The following CUX2 variants were observed in gnomAD, a reference collection of about 807,000 sequenced individuals.
CUX2 encodes homeobox protein cut-like 2.
In CUX2, 40 loss-of-function variants were observed where a neutral mutation model predicts 144.8. The ratio of observed to expected loss-of-function variants is 0.28; its 90% CI spans 0.21 to 0.36. The LOEUF is 0.36. Ranked by LOEUF, CUX2 falls within the 10% of genes least tolerant of loss-of-function variation. The pLI, the probability that CUX2 is intolerant of heterozygous loss-of-function variation, is 1.00. For missense variants in CUX2, 1,615 were observed against 1,994.0 expected (o/e 0.81, Z 3.62); for synonymous variants, 827 against 875.6 (o/e 0.94, Z 0.98).
intron 2 of CUX2, among the ~76,000 whole-genome samples, chr12:111,215,940 T>C (rs1315953289): frequency 6.6e-6 from 1 of 152,232 alleles, no homozygotes; most frequent in African/African-American, 2.4e-5. Context: ...TTAAGAGGAA[T>C]AAGTTTCCAT....
At chr12:111,232,662 T>C (rs1484413092) in intron 3 of CUX2, among the ~76,000 whole-genome samples, 2 of 152,210 alleles carry the variant, frequency 1.3e-5, no homozygotes, top group Admixed American at 6.5e-5. Flanking sequence ...GTACGGCTGT[T>C]GATAGCTCAG....
intron 1 of CUX2, among the ~76,000 whole-genome samples, chr12:111,169,628 A>G (rs1416081949): frequency 6.6e-6 from 1 of 152,188 alleles, no homozygotes; most frequent in African/African-American, 2.4e-5. Flanking sequence ...AAGCCTCCTC[A>G]GTGGCAGGGT....
intron 1 of CUX2, among the ~76,000 whole-genome samples, chr12:111,054,801 A>G (rs1331062196): frequency 6.6e-6 from 1 of 152,024 alleles, no homozygotes; most frequent in Non-Finnish European, 1.5e-5. Context: ...TAATTTTTGT[A>G]TTTTTAGTAG....
intron 12 of CUX2, among the ~76,000 whole-genome samples, chr12:111,308,063 C>T (rs890452469): frequency 1.3e-5 from 2 of 152,200 alleles, no homozygotes; most frequent in Non-Finnish European, 2.9e-5. Flanking sequence ...CTCAAGCTGG[C>T]CAGAATGGGT....
chr12:111,162,194 C>G (rs934450281), intron 1 of CUX2, among the ~76,000 whole-genome samples: 2 of 152,250 alleles, frequency 1.3e-5, no homozygotes, highest in African/African-American at 4.8e-5. Flanking sequence ...TGAACTCTCT[C>G]TCAGAGGTGA....
chr12:111,056,636 T>C (rs1029239964), intron 1 of CUX2, among the ~76,000 whole-genome samples: 7 of 152,190 alleles, frequency 4.6e-5, no homozygotes, highest in Non-Finnish European at 1.0e-4. Flanking sequence ...ATCACTTCCA[T>C]CTACTCTGCT....
intron 1 of CUX2, among the ~76,000 whole-genome samples, chr12:111,055,950 A>G (rs1325373794): frequency 6.6e-6 from 1 of 152,226 alleles, no homozygotes; most frequent in Admixed American, 6.5e-5. Context: ...TGAGCAGGCC[A>G]CTTAGCTGCG....
chr12:111,144,204 G>A (rs1876517113), intron 1 of CUX2, among the ~76,000 whole-genome samples: 1 of 152,122 alleles, frequency 6.6e-6, no homozygotes, highest in Non-Finnish European at 1.5e-5. Flanking sequence ...ACTGTGTTTG[G>A]GACACAGAAG....
chr12:111,082,151 TG>T (rs1205619542), intron 1 of CUX2, among the ~76,000 whole-genome samples: 6 of 152,160 alleles, frequency 3.9e-5, no homozygotes, highest in African/African-American at 1.4e-4. Context: ...GGAATGTCCC[TG>T]GGAAGGTTGG....
intron 1 of CUX2, among the ~76,000 whole-genome samples, chr12:111,071,111 G>T: frequency 7.0e-6 from 1 of 142,670 alleles, no homozygotes; most frequent in African/African-American, 2.6e-5. Context: ...GTGGACATAA[G>T]TTTTCACCTC....
At position 111,320,408 on chromosome 12, in the gene CUX2, A is replaced by G. The variant is rs370451307; in HGVS notation, c.2399A>G (p.Tyr800Cys). 3 of 1,597,482 alleles carry G rather than the reference A, an allele frequency of 1.9e-6. No homozygotes were observed. The highest frequency in any genetic ancestry group is 2.5e-6 in the Non-Finnish European group (3 of 1,179,016). Residue 800 changes from tyrosine to cysteine, a missense_variant, in exon 17 of 22, where the codon TAC becomes TGC. Around this residue, in one of 12 missense-constraint regions of CUX2, gnomAD observed 390 missense variants for 387.1 expected, o/e 1.01. Coordinates refer to ENST00000261726, the MANE Select transcript of CUX2 (RefSeq NM_015267.4). This position sits in a 1 kb window ranked among gnomAD's most constrained non-coding sequence, Gnocchi z 8.1. ...GACCGCGGCCTGCTCAGCCGCCCCT[A>G]CGCCTCCGTGTCGCCCTCGCTGTCC... Reference protein sequence around the residue: ...ASDRGLLSRPYASVSPSLSSS... With the variant: ...ASDRGLLSRPCASVSPSLSSS...
At chr12:111,133,658 T>A (rs981565313) in intron 1 of CUX2, among the ~76,000 whole-genome samples, 1 of 152,104 alleles carries the variant, frequency 6.6e-6, no homozygotes, top group African/African-American at 2.4e-5. Context: ...ACCTCCCCTT[T>A]AGGGGCCTGC....
At position 111,186,991 on chromosome 12, in the gene CUX2, C is replaced by A. The variant is rs1879579228; in HGVS notation, c.64-27209C>A. 6.6e-6 allele frequency among the ~76,000 whole-genome samples: 1 copy of A among 152,082 alleles called. No homozygotes were observed. The highest frequency in any genetic ancestry group is 2.1e-4 in the South Asian group (1 of 4,828). On this transcript the variant is annotated intron_variant, in intron 1 of 21. Transcript: ENST00000261726. The surrounding 1 kb of genome is among the most constrained non-coding windows in gnomAD (Gnocchi z 4.4). ...ATGGGGTTTTGCCATGTTGGCGAGG[C>A]TGGCTTCAAACTCCTGACCTCAAGT...
chr12:111,140,942 T>C (rs1876275641), intron 1 of CUX2, among the ~76,000 whole-genome samples: 1 of 152,172 alleles, frequency 6.6e-6, no homozygotes, highest in African/African-American at 2.4e-5. Flanking sequence ...CTGCAGGATA[T>C]GTTTCTCTGG....
At chr12:111,300,451 T>C (rs1045426991) in intron 9 of CUX2, among the ~76,000 whole-genome samples, 2 of 152,178 alleles carry the variant, frequency 1.3e-5, no homozygotes, top group Non-Finnish European at 2.9e-5. Flanking sequence ...GATAATATAC[T>C]ATGCATACCA....
intron 1 of CUX2, among the ~76,000 whole-genome samples, chr12:111,207,398 C>T (rs747851739): frequency 6.6e-6 from 1 of 152,220 alleles, no homozygotes; most frequent in Non-Finnish European, 1.5e-5. Flanking sequence ...TCATTTCCAT[C>T]CTCCTTATGA....
At chr12:111,271,739 A>C (rs941957588) in intron 4 of CUX2, among the ~76,000 whole-genome samples, 4 of 152,184 alleles carry the variant, frequency 2.6e-5, no homozygotes, top group African/African-American at 9.7e-5. Flanking sequence ...ATATGTTATA[A>C]AGCATTCATA....
intron 1 of CUX2, among the ~76,000 whole-genome samples, chr12:111,081,217 T>G (rs1871868271): frequency 1.3e-5 from 2 of 152,230 alleles, no homozygotes; most frequent in African/African-American, 4.8e-5. Flanking sequence ...AGCTGAGGTT[T>G]ACAAACACCC....
Position 111,055,154 on chromosome 12 carries a change from G to A in CUX2, c.63+20914G>A, listed in dbSNP as rs111876176. Among the ~76,000 whole-genome samples the A allele has an allele frequency of 2.3e-3, 346 of 152,326 alleles. 1 individual carries two copies. Among genetic ancestry groups the A allele is most frequent in the Non-Finnish European group, 4.1e-3 (281 of 68,030 alleles). Reference sequence around the variant, plus strand: ...GTTCCCTCTTTTCTCCCCAGAAGCTGCTGTATGTGCAGATTGGCCTCATAA... The same window carrying A: ...GTTCCCTCTTTTCTCCCCAGAAGCTACTGTATGTGCAGATTGGCCTCATAA... On this transcript the variant is annotated intron_variant, in intron 1 of 21. Coordinates refer to ENST00000261726, the MANE Select transcript of CUX2 (RefSeq NM_015267.4).
Sources: allele counts gnomAD v4.1 joint callset (sites outside exome capture counted in the v4.1 genomes callset), GRCh38; gene constraint gnomAD v4.1.1; regional missense constraint gnomAD v4.1.1; non-coding constraint Gnocchi (gnomAD v3.1); transcripts MANE v1.5; gene names NCBI Gene and HGNC (gene_info 2026-07-23, HGNC 2026-07-21).